Variants in AGAP3 observed in about 807,000 individuals in gnomAD.
AGAP3 encodes the protein arf-GAP with GTPase, ANK repeat and PH domain-containing protein 3.
Under a neutral mutation model 96.9 loss-of-function variants are expected in AGAP3, and 24 were observed. The ratio of observed to expected loss-of-function variants is 0.25; its 90% CI spans 0.18 to 0.35. AGAP3 has a LOEUF of 0.35. Among genes scored for constraint, AGAP3 ranks in the 10% least tolerant of loss-of-function variants. The pLI, the probability that AGAP3 is intolerant of heterozygous loss-of-function variation, is 1.00. For missense variants in AGAP3, 876 were observed against 1,254.2 expected (o/e 0.70, Z 4.55); for synonymous variants, 563 against 536.1 (o/e 1.05, Z -0.69).
chr7:151,111,090 C>G (rs1407955354), intron 1 of AGAP3, among the ~76,000 whole-genome samples: 2 of 152,192 alleles, frequency 1.3e-5, no homozygotes, highest in Non-Finnish European at 2.9e-5. Flanking sequence ...TGCTGGACAC[C>G]AGCCAGTCCT....
Position 151,142,077 on chromosome 7 carries a change from C to G in AGAP3, c.1959+25C>G. 1 of 1,608,718 alleles carries G rather than the reference C, an allele frequency of 6.2e-7. No individual in the cohort carries two copies. Among genetic ancestry groups the G allele is most frequent in the South Asian group, 1.1e-5 (1 of 90,590 alleles). On this transcript the variant is annotated intron_variant, in intron 14 of 17. Transcript: ENST00000397238. This position sits in a 1 kb window ranked among gnomAD's most constrained non-coding sequence, Gnocchi z 7.5. ...GGTGGGTACAGAGTGACTGGGCCCACACAGAGCACCTGGCTGGGGTGGGAC... is the reference window on the plus strand; with the variant it reads ...GGTGGGTACAGAGTGACTGGGCCCAGACAGAGCACCTGGCTGGGGTGGGAC...
intron 11 of AGAP3, among the ~76,000 whole-genome samples, chr7:151,137,293 A>G (rs1800634703): frequency 6.6e-6 from 1 of 152,200 alleles, no homozygotes; most frequent in African/African-American, 2.4e-5. Context: ...ACTAACCTCC[A>G]GCACCTGGCG....
chr7:151,098,876 G>A (rs1798720439), intron 1 of AGAP3, among the ~76,000 whole-genome samples: 1 of 150,604 alleles, frequency 6.6e-6, no homozygotes, highest in Non-Finnish European at 1.5e-5. Context: ...TGGGATTACA[G>A]GTGCATGCCA....
Position 151,143,565 on chromosome 7 carries a change from C to A in AGAP3, c.2498C>A (p.Ala833Asp). ...GCTCTACATCTCTCCAGTGCCATGG[C>A]CAACGTTGTCTTCACGCAGCTGCTC... ...RTALHLSSAM[A>D]NVVFTQLLIW... The change falls in exon 17 of 18, where the codon GCC becomes GAC. Residue 833 changes from alanine (A) to aspartate (D), a missense_variant. By Grantham distance (126) the Ala-to-Asp change is moderately radical (BLOSUM62 -2). Coordinates refer to ENST00000397238, the MANE Select transcript of AGAP3 (RefSeq NM_031946.7). This position sits in a 1 kb window ranked among gnomAD's most constrained non-coding sequence, Gnocchi z 5.9. 1 of 1,608,602 alleles carries A rather than the reference C, an allele frequency of 6.2e-7. No individual in the cohort carries two copies. Among genetic ancestry groups the A allele is most frequent in the Non-Finnish European group, 8.5e-7 (1 of 1,176,228 alleles).
chr7:151,141,589 G>T lies in AGAP3; in HGVS notation c.1805-309G>T. On this transcript the variant is annotated intron_variant, in intron 13 of 17. Coordinates refer to ENST00000397238, the MANE Select transcript of AGAP3 (RefSeq NM_031946.7). This position sits in a 1 kb window ranked among gnomAD's most constrained non-coding sequence, Gnocchi z 4.2. ...AGATACTCAGCTCTTTCTGTGGGAT[G>T]CACCCCTCTCTGGTTTCACACCCAT... is the stretch of plus-strand genomic sequence containing the variant. The T allele has an allele frequency of 2.5e-6, 1 of 392,472 alleles. No individual in the cohort carries two copies. The highest frequency in any genetic ancestry group is 4.8e-6 in the Non-Finnish European group (1 of 210,312). 24.3% of individuals were successfully genotyped at this position (392,472 alleles called of 1,614,324 possible).
rs1042905505 is a variant in AGAP3 at position 151,141,484 on chromosome 7, A to G, written c.1805-414A>G. ...GCAAAATGAGGCGGCTGCAGCTGACATGTACGGATGGTGCCCACACCCGCC... is the reference window on the plus strand; with the variant it reads ...GCAAAATGAGGCGGCTGCAGCTGACGTGTACGGATGGTGCCCACACCCGCC... On this transcript the variant is annotated intron_variant, in intron 13 of 17. Transcript: ENST00000397238. This position sits in a 1 kb window ranked among gnomAD's most constrained non-coding sequence, Gnocchi z 4.2. The G allele has an allele frequency of 2.4e-5, 5 of 205,258 alleles. No homozygotes were observed. The highest frequency in any genetic ancestry group is 9.3e-5 in the African/African-American group (4 of 43,152). The allele number at this position is 205,258 out of a possible 1,614,324, so 12.7% of individuals were successfully genotyped here. A position where few individuals can be genotyped will look rare whatever the true frequency, so the allele number is the denominator to read the frequency against.
At chr7:151,124,829 C>T (rs1800088654) in intron 9 of AGAP3, among the ~76,000 whole-genome samples, 1 of 152,166 alleles carries the variant, frequency 6.6e-6, no homozygotes, top group Non-Finnish European at 1.5e-5. Context: ...ATGAAGAGTT[C>T]CAAGCAGAGT....
At chr7:151,113,850 T>C (rs747191679) in intron 1 of AGAP3, among the ~76,000 whole-genome samples, 7 of 152,144 alleles carry the variant, frequency 4.6e-5, no homozygotes, top group African/African-American at 1.2e-4. Flanking sequence ...CAGTCATGAA[T>C]TGGAAGGGCC....
chr7:151,121,674 G>C (rs1221566674), intron 8 of AGAP3, among the ~76,000 whole-genome samples: 1 of 152,150 alleles, frequency 6.6e-6, no homozygotes, highest in Non-Finnish European at 1.5e-5. Context: ...CCTCCTGGCT[G>C]CTCACGGCAC....
At position 151,118,520 on chromosome 7, in the gene AGAP3, T is replaced by C; in HGVS notation, c.857T>C (p.Val286Ala). 1 of 1,614,174 alleles carries C rather than the reference T, an allele frequency of 6.2e-7. No individual in the cohort carries two copies. Among genetic ancestry groups the C allele is most frequent in the Non-Finnish European group, 8.5e-7 (1 of 1,180,036 alleles). Residue 286 changes from valine (V) to alanine (A), a missense_variant, in exon 7 of 18, where the codon GTG becomes GCG. By Grantham distance (64) the Val-to-Ala change is moderately conservative (BLOSUM62 0). Transcript: ENST00000397238. The surrounding 1 kb of genome is among the most constrained non-coding windows in gnomAD (Gnocchi z 6.1). Reference sequence around the variant, plus strand: ...TCCCCTGCAGTGGCCCAGAAGGTAGTGGCCTTGCGAAAGAAGCAGCAACTG... The same window carrying C: ...TCCCCTGCAGTGGCCCAGAAGGTAGCGGCCTTGCGAAAGAAGCAGCAACTG... ...RVFQDVAQKV[V>A]ALRKKQQLAI... is the part of the protein sequence containing the mutation.
At position 151,143,163 on chromosome 7, in the gene AGAP3, C is replaced by G. The variant is rs542613260; in HGVS notation, c.2274-178C>G. On this transcript the variant is annotated intron_variant, in intron 16 of 17. Transcript: ENST00000397238. The surrounding 1 kb of genome is among the most constrained non-coding windows in gnomAD (Gnocchi z 5.9). ...CCCCCCTTTCCATTACCCACTGCCC[C>G]TCTGTGTGCCTGGAGTTTCCAAGGC... Among the ~76,000 whole-genome samples, 1 of 152,354 alleles carries G rather than the reference C, an allele frequency of 6.6e-6. No individual in the cohort carries two copies. Among genetic ancestry groups the G allele is most frequent in the African/African-American group, 2.4e-5 (1 of 41,584 alleles).
intron 9 of AGAP3, among the ~76,000 whole-genome samples, chr7:151,124,352 C>T (rs924460762): frequency 6.6e-6 from 1 of 152,232 alleles, no homozygotes; most frequent in African/African-American, 2.4e-5. Flanking sequence ...CTCACCTCTC[C>T]CACCTCCTTT....
At position 151,142,118 on chromosome 7, in the gene AGAP3, G is replaced by T; in HGVS notation, c.1960-45G>T. On this transcript the variant is annotated intron_variant, in intron 14 of 17. Coordinates refer to ENST00000397238, the MANE Select transcript of AGAP3 (RefSeq NM_031946.7). This position sits in a 1 kb window ranked among gnomAD's most constrained non-coding sequence, Gnocchi z 7.5. ...GGGGTGGGACTGAAAGGGGCCTCAT[G>T]ACTGACCAACCGCCCCTTGTCTTGT... 1 of 1,610,526 alleles carries T rather than the reference G, an allele frequency of 6.2e-7. No homozygotes were observed. Among genetic ancestry groups the T allele is most frequent in the South Asian group, 1.1e-5 (1 of 90,592 alleles).
intron 9 of AGAP3, among the ~76,000 whole-genome samples, chr7:151,126,301 C>A (rs1377457385): frequency 6.6e-6 from 1 of 151,956 alleles, no homozygotes; most frequent in African/African-American, 2.4e-5. Context: ...AAACCGCGCG[C>A]AGTGCAGGCC....
chr7:151,114,633 T>G lies in AGAP3; in HGVS notation c.332-2160T>G. ...AGGTCTGGGCTTGCCGGCCGCGAGG[T>G]GGAGGAGTTGAGGGACTCGGTCGGC... is the stretch of plus-strand genomic sequence containing the variant. On this transcript the variant is annotated intron_variant, in intron 1 of 17. Transcript: ENST00000397238. This position sits in a 1 kb window ranked among gnomAD's most constrained non-coding sequence, Gnocchi z 4.4. The G allele has an allele frequency of 1.4e-5, 11 of 792,118 alleles. No individual in the cohort carries two copies. The highest frequency in any genetic ancestry group is 1.5e-5 in the Non-Finnish European group (10 of 652,426). 49.1% of individuals were successfully genotyped at this position (792,118 alleles called of 1,614,324 possible).
chr7:151,090,431 C>A (rs919101992), intron 1 of AGAP3: 1 of 147,724 alleles, frequency 6.8e-6, no homozygotes, highest in Non-Finnish European at 1.5e-5. Flanking sequence ...GCATTCCAGC[C>A]GGCCTGGCCT....
rs149170496 is a variant in AGAP3, at chr7:151,102,781, A to G, written c.332-14012A>G. ...CAGACATACACCATCACACCCAGCT[A>G]ATTTTTCTATTTTTAGTAGAGACGA... On this transcript the variant is annotated intron_variant, in intron 1 of 17. Coordinates refer to ENST00000397238, the MANE Select transcript of AGAP3 (RefSeq NM_031946.7). 4.5e-3 allele frequency among the ~76,000 whole-genome samples: 687 copies of G among 151,910 alleles called. 3 individuals carry two copies. The highest frequency in any genetic ancestry group is 7.4e-3 in the Non-Finnish European group (505 of 67,956).
intron 1 of AGAP3, chr7:151,090,487 A>G (rs1191546334): frequency 6.9e-6 from 1 of 144,368 alleles, no homozygotes; most frequent in Non-Finnish European, 1.5e-5. Flanking sequence ...ACTCACTTTC[A>G]TTCAGTTCAC....
chr7:151,135,776 G>A (rs962280444), intron 11 of AGAP3, among the ~76,000 whole-genome samples: 2 of 152,224 alleles, frequency 1.3e-5, no homozygotes, highest in African/African-American at 4.8e-5. Flanking sequence ...CTCAGCAGCT[G>A]TGAAGTAGAG....
Sources: allele counts gnomAD v4.1 joint callset (sites outside exome capture counted in the v4.1 genomes callset), GRCh38; gene constraint gnomAD v4.1.1; non-coding constraint Gnocchi (gnomAD v3.1); transcripts MANE v1.5; gene names NCBI Gene and HGNC (gene_info 2026-07-23, HGNC 2026-07-21).